LRRC36: variants seen among roughly 807,000 people sequenced by gnomAD.
LRRC36 encodes the protein leucine-rich repeat-containing protein 36.
In LRRC36, 62 loss-of-function variants were observed where a neutral mutation model predicts 81.1. The observed-to-expected ratio is 0.76, with a 90% CI of 0.62 to 0.94. LRRC36 has a LOEUF of 0.94. LRRC36 is among the 40% of genes least tolerant of loss of function. The probability of loss-of-function intolerance (pLI) is 0.00; values close to 1 mark genes in which losing one functional copy is unlikely to be tolerated. For synonymous variants in LRRC36, 334 were observed against 348.6 expected, an observed-to-expected ratio of 0.96 and a Z score of 0.47; for missense variants, 761 against 881.7, an observed-to-expected ratio of 0.86 and a Z score of 1.73.
intron 12 of LRRC36, 95 bp from the exon 13 acceptor site, chr16:67,382,038 C>G: frequency 2.4e-6 from 2 of 817,712 alleles, no homozygotes; most frequent in South Asian, 3.3e-5. Context: ...CCATGGGGCC[C>G]CCAGTTCTCA....
intron 10 of LRRC36, 90 bp from the exon 11 acceptor site, chr16:67,376,636 AT>A: frequency 7.5e-7 from 1 of 1,337,224 alleles, no homozygotes; most frequent in Non-Finnish European, 1.0e-6. Context: ...ACATTAGCCT[AT>A]TTGATCCAGA....
intron 5 of LRRC36, among the ~76,000 whole-genome samples, chr16:67,353,103 C>T (rs983547359): frequency 1.3e-5 from 2 of 152,150 alleles, no homozygotes; most frequent in African/African-American, 4.8e-5. Flanking sequence ...TGTTGACCAA[C>T]TTGTAATATA....
At chr16:67,341,587 C>A (rs1020701811) in intron 1 of LRRC36, among the ~76,000 whole-genome samples, 2 of 151,862 alleles carry the variant, frequency 1.3e-5, no homozygotes, top group African/African-American at 4.8e-5. Flanking sequence ...TATCTTAAAA[C>A]CGCTCTGAAA....
At chr16:67,375,157 A>G (rs922476887) in intron 9 of LRRC36, 90 bp from the exon 10 acceptor site, 4 of 1,417,512 alleles carry the variant, frequency 2.8e-6, no homozygotes, top group South Asian at 2.5e-5. Context: ...AAAAGTCTCA[A>G]TGTCTAAATT....
At position 67,381,641 on chromosome 16, in the gene LRRC36, G is replaced by A. The variant is rs188037821; in HGVS notation, c.1931-492G>A. Among the ~76,000 whole-genome samples the A allele has an allele frequency of 1.5e-3, 231 of 152,112 alleles. 1 individual carries two copies. The highest frequency in any genetic ancestry group is 2.7e-3 in the Non-Finnish European group (181 of 67,976). On this transcript the variant is annotated intron_variant, in intron 12 of 13. Coordinates refer to ENST00000329956, the MANE Select transcript of LRRC36 (RefSeq NM_018296.6). ...GCAATATTTTTTTTTTTGAGACGGA[G>A]TCTCACTCTGTTGCCCAGGCTGGAG... is the stretch of plus-strand genomic sequence containing the variant.
chr16:67,339,600 A>T (rs1427375907), intron 1 of LRRC36, among the ~76,000 whole-genome samples: 1 of 152,186 alleles, frequency 6.6e-6, no homozygotes, highest in Non-Finnish European at 1.5e-5. Context: ...TAGGTGGGAA[A>T]GGTGGGCCAG....
intron 5 of LRRC36, among the ~76,000 whole-genome samples, chr16:67,352,513 G>A (rs186697222): frequency 3.9e-5 from 6 of 152,028 alleles, no homozygotes; most frequent in African/African-American, 1.4e-4. Flanking sequence ...TCTTTGAAAG[G>A]TTCCTCTCTC....
At chr16:67,352,824 T>A (rs1361702997) in intron 5 of LRRC36, among the ~76,000 whole-genome samples, 2 of 151,848 alleles carry the variant, frequency 1.3e-5, no homozygotes, top group Non-Finnish European at 2.9e-5. Context: ...ACTACAGGTG[T>A]GTGCTACCAT....
intron 11 of LRRC36, among the ~76,000 whole-genome samples, chr16:67,377,778 G>C (rs2039960212): frequency 6.6e-6 from 1 of 151,910 alleles, no homozygotes; most frequent in Non-Finnish European, 1.5e-5. Flanking sequence ...AGGACTACAG[G>C]CACACGCCAC....
chr16:67,379,245 A>G (rs2040024333), intron 12 of LRRC36, among the ~76,000 whole-genome samples: 4 of 151,974 alleles, frequency 2.6e-5, no homozygotes, highest in Admixed American at 6.6e-5. Context: ...AAACATAGTG[A>G]GAATCCGTCT....
chr16:67,369,649 G>T (rs2039549890), intron 8 of LRRC36, among the ~76,000 whole-genome samples: 1 of 152,226 alleles, frequency 6.6e-6, no homozygotes, highest in Admixed American at 6.5e-5. Context: ...TTGACTCACA[G>T]TTCCACATGG....
At chr16:67,373,039 T>A (rs953762498) in intron 9 of LRRC36, among the ~76,000 whole-genome samples, 2 of 152,184 alleles carry the variant, frequency 1.3e-5, no homozygotes, top group African/African-American at 4.8e-5. Flanking sequence ...GGAAATTTTT[T>A]AACCTCTATT....
intron 5 of LRRC36, among the ~76,000 whole-genome samples, chr16:67,354,430 AC>A (rs1266559589): frequency 6.6e-6 from 1 of 151,908 alleles, no homozygotes; most frequent in Non-Finnish European, 1.5e-5. Flanking sequence ...GGCGTGTACC[AC>A]CACGCCTGGT....
At position 67,364,109 on chromosome 16, in the gene LRRC36, T is replaced by C. The variant is rs116380550; in HGVS notation, c.702+395T>C. Among the ~76,000 whole-genome samples the C allele has an allele frequency of 6.3e-3, 963 of 152,342 alleles. 8 individuals carry two copies. Among genetic ancestry groups the C allele is most frequent in the African/African-American group, 0.022 (900 of 41,578 alleles). On this transcript the variant is annotated intron_variant, in intron 6 of 13. Coordinates refer to ENST00000329956, the MANE Select transcript of LRRC36 (RefSeq NM_018296.6). ...ACCTACACCCTTTAATACTGAGTCT[T>C]ACATTTTAGGTATGACTTTCCCAAA...
At chr16:67,354,647 C>A (rs762530183) in intron 5 of LRRC36, among the ~76,000 whole-genome samples, 1 of 152,258 alleles carries the variant, frequency 6.6e-6, no homozygotes, top group Non-Finnish European at 1.5e-5. Context: ...ATTTATCAGG[C>A]AGTAGAGTTC....
chr16:67,347,297 G>A (rs780796885), intron 3 of LRRC36, 198 bp from the exon 4 acceptor site: 94 of 956,890 alleles, frequency 9.8e-5, no homozygotes, highest in East Asian at 1.3e-4. Flanking sequence ...GGCAGTGGTC[G>A]CTATGGCTTC....
At chr16:67,329,835 T>G (rs1055474465) in intron 1 of LRRC36, among the ~76,000 whole-genome samples, 1 of 152,002 alleles carries the variant, frequency 6.6e-6, no homozygotes. Context: ...GGAGAATCGC[T>G]TGAACCCGGG....
At chr16:67,351,233 A>G (rs909763471) in intron 5 of LRRC36, among the ~76,000 whole-genome samples, 2 of 152,152 alleles carry the variant, frequency 1.3e-5, no homozygotes, top group African/African-American at 4.8e-5. Flanking sequence ...TTCCCTTGGA[A>G]GAATCTAGTG....
chr16:67,327,124 A>C, intron 1 of LRRC36, 192 bp downstream of exon 1: 4 of 506,824 alleles, frequency 7.9e-6, no homozygotes, highest in Non-Finnish European at 1.0e-5. Flanking sequence ...AACTGAAGTA[A>C]CGGGAGGGTG....
Sources: gnomAD v4.1 joint callset for allele counts (sites outside exome capture counted in the v4.1 genomes callset) on GRCh38, gnomAD v4.1.1 for gene constraint, MANE v1.5 for transcripts, NCBI Gene and HGNC (gene_info 2026-07-23, HGNC 2026-07-21) for gene names.